Variants in PARD3B observed in about 807,000 individuals in gnomAD.
PARD3B encodes par-3 family cell polarity regulator beta.
A neutral mutation model predicts 130.2 loss-of-function variants in PARD3B; 103 were observed. The observed-to-expected ratio is 0.79, with a 90% confidence interval of 0.67 to 0.93. The LOEUF is 0.93. PARD3B is among the 40% of genes least tolerant of loss of function. The probability of loss-of-function intolerance (pLI) is 0.00; values close to 1 mark genes in which losing one functional copy is unlikely to be tolerated. For synonymous variants in PARD3B, 583 were observed against 553.2 expected (o/e 1.05, Z -0.76); for missense variants, 1,609 against 1,499.2 (o/e 1.07, Z -1.21).
intron 11 of PARD3B, among the ~76,000 whole-genome samples, chr2:205,170,781 CTT>C (rs141604922): frequency 1.4e-5 from 2 of 143,674 alleles, no homozygotes; most frequent in African/African-American, 5.0e-5. Context: ...TATCTCATTT[CTT>C]TTTTTTTTCT....
Position 204,606,830 on chromosome 2 carries a change from A to G in PARD3B, c.120+60711A>G, listed in dbSNP as rs2033741404. Among the ~76,000 whole-genome samples, 1 of 152,180 alleles carries G rather than the reference A, an allele frequency of 6.6e-6. No individual in the cohort carries two copies. Among genetic ancestry groups the G allele is most frequent in the South Asian group, 2.1e-4 (1 of 4,828 alleles). ...ATCTCGTTTGGAGGCTGCTCTGTCCAGGGAGAGTAAAACAAAATCTTAAAG... is the reference window on the plus strand; with the variant it reads ...ATCTCGTTTGGAGGCTGCTCTGTCCGGGGAGAGTAAAACAAAATCTTAAAG... On this transcript the variant is annotated intron_variant, in intron 1 of 22. Transcript: ENST00000406610. The surrounding 1 kb of genome is among the most constrained non-coding windows in gnomAD (Gnocchi z 4.0).
At chr2:205,552,062 C>T (rs1048852007) in intron 21 of PARD3B, among the ~76,000 whole-genome samples, 1 of 152,134 alleles carries the variant, frequency 6.6e-6, no homozygotes, top group African/African-American at 2.4e-5. Context: ...TTTTAGTTGG[C>T]ATGATAGCTA....
chr2:205,569,207 T>C (rs1193365093), intron 22 of PARD3B, among the ~76,000 whole-genome samples: 1 of 152,152 alleles, frequency 6.6e-6, no homozygotes, highest in Non-Finnish European at 1.5e-5. Context: ...CTTATCTGTT[T>C]GCATGTCATT....
At chr2:205,232,987 G>A (rs1315908082) in intron 15 of PARD3B, among the ~76,000 whole-genome samples, 1 of 152,120 alleles carries the variant, frequency 6.6e-6, no homozygotes, top group Non-Finnish European at 1.5e-5. Context: ...TGGTCAACAT[G>A]TTTTCGAATG....
At chr2:205,404,121 CT>C (rs915777313) in intron 19 of PARD3B, among the ~76,000 whole-genome samples, 46 of 152,148 alleles carry the variant, frequency 3.0e-4, no homozygotes, top group East Asian at 9.7e-4. Context: ...ATTTTATAAT[CT>C]TTTTTTTATG....
chr2:205,356,637 A>T (rs4673325), intron 18 of PARD3B, among the ~76,000 whole-genome samples: 91,819 of 152,014 alleles, frequency 0.6, 30,937 homozygotes, highest in South Asian at 0.77. Context: ...ACGCCTATAA[A>T]CCCAGCACTT....
intron 3 of PARD3B, among the ~76,000 whole-genome samples, chr2:205,006,207 C>T (rs1314578791): frequency 6.6e-6 from 1 of 152,164 alleles, no homozygotes; most frequent in Non-Finnish European, 1.5e-5. Flanking sequence ...TTTATCCACT[C>T]ATTGGTCAAT....
intron 1 of PARD3B, among the ~76,000 whole-genome samples, chr2:204,611,310 T>A (rs983458976): frequency 4.6e-5 from 7 of 152,124 alleles, no homozygotes; most frequent in Non-Finnish European, 1.0e-4. Context: ...CCTATTAAAA[T>A]TTGCTACATA....
intron 2 of PARD3B, among the ~76,000 whole-genome samples, chr2:204,895,724 T>C (rs905790415): frequency 1.3e-5 from 2 of 152,162 alleles, no homozygotes; most frequent in Non-Finnish European, 2.9e-5. Flanking sequence ...TCAGATTCCA[T>C]GTACATATGA....
At chr2:204,548,211 A>T in intron 1 of PARD3B, among the ~76,000 whole-genome samples, 1 of 152,130 alleles carries the variant, frequency 6.6e-6, no homozygotes, top group Middle Eastern at 3.4e-3. Flanking sequence ...GCTTTTATTC[A>T]TTTTTTTTAA....
At chr2:205,422,235 A>G (rs1003348427) in intron 19 of PARD3B, among the ~76,000 whole-genome samples, 7 of 152,144 alleles carry the variant, frequency 4.6e-5, no homozygotes, top group Non-Finnish European at 8.8e-5. Flanking sequence ...GAGGCAAATA[A>G]AGCTTTGTAA....
chr2:205,291,629 AGTTT>A lies in PARD3B; in HGVS notation c.2186-8895_2186-8892del, dbSNP rs774199370. On this transcript the variant is annotated intron_variant, in intron 16 of 22. Coordinates refer to ENST00000406610, the MANE Select transcript of PARD3B (RefSeq NM_001302769.2). The surrounding 1 kb of genome is among the most constrained non-coding windows in gnomAD (Gnocchi z 4.6). ...GTATTTAATTAATGTAATTGTAGATAGTTTGTTTGAACCCATAGGCACAGCCTGG... is the reference window on the plus strand; with the variant it reads ...GTATTTAATTAATGTAATTGTAGATAGTTTGAACCCATAGGCACAGCCTGG... 3.3e-5 allele frequency among the ~76,000 whole-genome samples: 5 copies of A among 152,356 alleles called. No individual in the cohort carries two copies. Among genetic ancestry groups the A allele is most frequent in the Non-Finnish European group, 5.9e-5 (4 of 68,032 alleles).
intron 1 of PARD3B, among the ~76,000 whole-genome samples, chr2:204,560,115 C>T (rs1415962367): frequency 1.3e-5 from 2 of 152,072 alleles, no homozygotes; most frequent in African/African-American, 2.4e-5. Flanking sequence ...TGCAGCAGAC[C>T]AGCATGGCAT....
chr2:204,584,105 T>A (rs139254894), intron 1 of PARD3B, among the ~76,000 whole-genome samples: 193 of 152,238 alleles, frequency 1.3e-3, no homozygotes, highest in Non-Finnish European at 2.4e-3. Flanking sequence ...GTGAGGTGGT[T>A]TGTGCTCAGA....
rs1479037166 is a variant in PARD3B, at chr2:204,606,147, A to G, written c.120+60028A>G. 3.3e-5 allele frequency among the ~76,000 whole-genome samples: 5 copies of G among 152,190 alleles called. No individual in the cohort carries two copies. Among genetic ancestry groups the G allele is most frequent in the African/African-American group, 9.7e-5 (4 of 41,444 alleles). On this transcript the variant is annotated intron_variant, in intron 1 of 22. Transcript: ENST00000406610. This position sits in a 1 kb window ranked among gnomAD's most constrained non-coding sequence, Gnocchi z 4.0. The stretch of plus-strand genomic sequence containing the variant: ...GGTTTTGTCTCTCCAACTCCGATAT[A>G]TGCTTCTTGAGGTCAATACCTGGAT...
intron 18 of PARD3B, among the ~76,000 whole-genome samples, chr2:205,373,746 T>A (rs1391327551): frequency 6.6e-6 from 1 of 152,232 alleles, no homozygotes; most frequent in Non-Finnish European, 1.5e-5. Context: ...GATCCGCAAC[T>A]GTGATCTTGT....
rs962290535 is a variant in PARD3B at position 204,669,554 on chromosome 2, C to G, written c.121-16627C>G. ...TCTTGTTTGAATGGTTTAGTAGTTA[C>G]GACATTGGCATTGTTAGGAATGACA... On this transcript the variant is annotated intron_variant, in intron 1 of 22. Coordinates refer to ENST00000406610, the MANE Select transcript of PARD3B (RefSeq NM_001302769.2). The surrounding 1 kb of genome is among the most constrained non-coding windows in gnomAD (Gnocchi z 4.3). Among the ~76,000 whole-genome samples the G allele has an allele frequency of 8.6e-5, 13 of 152,020 alleles. No homozygotes were observed. The highest frequency in any genetic ancestry group is 5.9e-4 in the Admixed American group (9 of 15,240).
chr2:205,257,184 A>C (rs1488344741), intron 16 of PARD3B, among the ~76,000 whole-genome samples: 1 of 152,204 alleles, frequency 6.6e-6, no homozygotes, highest in East Asian at 1.9e-4. Flanking sequence ...CCTTGCTAAA[A>C]TAAGCAATGC....
intron 16 of PARD3B, among the ~76,000 whole-genome samples, chr2:205,296,772 G>A (rs539559484): frequency 2.6e-5 from 4 of 151,340 alleles, no homozygotes; most frequent in African/African-American, 9.7e-5. Context: ...GATCTGTGCA[G>A]AAGACATGAC....
Sources: allele counts gnomAD v4.1 joint callset (sites outside exome capture counted in the v4.1 genomes callset), GRCh38; gene constraint gnomAD v4.1.1; non-coding constraint Gnocchi (gnomAD v3.1); transcripts MANE v1.5; gene names NCBI Gene and HGNC (gene_info 2026-07-23, HGNC 2026-07-21).